Variants in MFN1 observed in about 807,000 individuals in gnomAD.
MFN1 encodes mitofusin 1.
In MFN1, 65 loss-of-function variants were observed where a neutral mutation model predicts 92.4. That is an observed-to-expected ratio of 0.70 (90% CI 0.58 to 0.86). The LOEUF (loss-of-function observed/expected upper bound fraction) is 0.86, where lower values mean the gene tolerates loss of function less well. MFN1 is among the 40% of genes least tolerant of loss of function. The probability of loss-of-function intolerance (pLI) is 0.00; values close to 1 mark genes in which losing one functional copy is unlikely to be tolerated. For synonymous variants in MFN1, 297 were observed against 300.9 expected, an observed-to-expected ratio of 0.99 and a Z score of 0.13; for missense variants, 781 against 868.0, an observed-to-expected ratio of 0.90 and a Z score of 1.26.
chr3:179,349,831 G>C (rs1296322403), intron 2 of MFN1, among the ~76,000 whole-genome samples: 1 of 150,740 alleles, frequency 6.6e-6, no homozygotes, highest in Non-Finnish European at 1.5e-5. Flanking sequence ...GGAGATAACT[G>C]TTGAAATTTT....
intron 1 of MFN1, 118 bp downstream of exon 1, chr3:179,347,928 G>C (rs1006857072): frequency 1.3e-5 from 2 of 152,240 alleles, no homozygotes; most frequent in South Asian, 4.1e-4. Context: ...CGCCCGCCGC[G>C]GTCCTGTGGG....
intron 9 of MFN1, among the ~76,000 whole-genome samples, chr3:179,373,510 A>G (rs1410254850): frequency 6.6e-6 from 1 of 152,192 alleles, no homozygotes; most frequent in Non-Finnish European, 1.5e-5. Flanking sequence ...GGAGTATCAG[A>G]GAATTAATAT....
At chr3:179,356,265 G>C (rs1014258619) in intron 3 of MFN1, among the ~76,000 whole-genome samples, 1 of 152,196 alleles carries the variant, frequency 6.6e-6, no homozygotes, top group African/African-American at 2.4e-5. Context: ...CAGGAAGGGT[G>C]GGGGAGGACA....
chr3:179,370,656 C>T (rs577203721), intron 9 of MFN1, among the ~76,000 whole-genome samples: 8 of 152,154 alleles, frequency 5.3e-5, no homozygotes, highest in East Asian at 1.9e-4. Flanking sequence ...ATGATCCACC[C>T]GCCTTGGCCT....
At chr3:179,365,501 G>A (rs565260133) in intron 7 of MFN1, among the ~76,000 whole-genome samples, 2 of 152,176 alleles carry the variant, frequency 1.3e-5, no homozygotes, top group African/African-American at 2.4e-5. Flanking sequence ...TACATAAATC[G>A]TAAGTGATCC....
chr3:179,349,647 T>G (rs1407099300), intron 2 of MFN1, among the ~76,000 whole-genome samples: 3 of 151,958 alleles, frequency 2.0e-5, no homozygotes, highest in Non-Finnish European at 4.4e-5. Flanking sequence ...TAAATGGGAC[T>G]ACAGTGCACG....
At position 179,364,355 on chromosome 3, in the gene MFN1, G is replaced by T; in HGVS notation, c.595G>T (p.Ala199Ser). 1 of 1,613,900 alleles carries T rather than the reference G, an allele frequency of 6.2e-7. No homozygotes were observed. The highest frequency in any genetic ancestry group is 1.1e-5 in the South Asian group (1 of 91,066). ...DSWIDKFCLD[A>S]DVFVLVANSE... is the part of the protein sequence containing the mutation. ...CTGGATTGATAAGTTTTGCCTAGAT[G>T]CTGATGTCTTTGTTTTGGTCGCAAA... Residue 199 changes from alanine to serine, a missense_variant, in exon 6 of 18, where the codon GCT (alanine) becomes TCT (serine). By Grantham distance (99) the Ala-to-Ser change is moderately conservative. Transcript: ENST00000471841.
intron 17 of MFN1, among the ~76,000 whole-genome samples, chr3:179,391,154 T>A (rs1245071802): frequency 6.6e-6 from 1 of 152,150 alleles, no homozygotes; most frequent in Non-Finnish European, 1.5e-5. Context: ...CTAGGTAAGT[T>A]TTTATGGTTT....
chr3:179,375,821 G>A (rs1713216824), intron 10 of MFN1, among the ~76,000 whole-genome samples: 2 of 152,094 alleles, frequency 1.3e-5, no homozygotes, highest in Non-Finnish European at 2.9e-5. Context: ...AAGTTGATTT[G>A]GTAAGCAGTA....
chr3:179,387,001 C>T (rs529077769), intron 16 of MFN1, among the ~76,000 whole-genome samples: 15 of 152,106 alleles, frequency 9.9e-5, no homozygotes, highest in African/African-American at 3.1e-4. Flanking sequence ...ACTGCAGCCT[C>T]GAATCTTGGG....
At chr3:179,378,865 A>T (rs1713359286) in intron 14 of MFN1, 51 bp downstream of exon 14, 1 of 1,396,432 alleles carries the variant, frequency 7.2e-7, no homozygotes, top group South Asian at 1.3e-5. Flanking sequence ...TATTTTGTTT[A>T]TGTGGTTTTT....
At chr3:179,384,770 A>AGCT in intron 14 of MFN1, among the ~76,000 whole-genome samples, 1 of 152,210 alleles carries the variant, frequency 6.6e-6, no homozygotes, top group Non-Finnish European at 1.5e-5. Context: ...CCTGGTCTCA[A>AGCT]GCTATCCTCC....
intron 14 of MFN1, among the ~76,000 whole-genome samples, chr3:179,384,412 A>G (rs1266984215): frequency 2.0e-5 from 3 of 152,130 alleles, no homozygotes; most frequent in Non-Finnish European, 4.4e-5. Context: ...GATTTTAAAC[A>G]TCTTTTTTGT....
chr3:179,384,224 T>C (rs1468661075), intron 14 of MFN1, among the ~76,000 whole-genome samples: 2 of 152,220 alleles, frequency 1.3e-5, no homozygotes, highest in African/African-American at 4.8e-5. Flanking sequence ...CATTCACCAG[T>C]TGATGGACAT....
At position 179,393,756 on chromosome 3, in the gene MFN1, C is replaced by A. The variant is rs765049498; in HGVS notation, c.*1697C>A. On this transcript the variant is annotated 3_prime_UTR_variant, in exon 18 of 18. Transcript: ENST00000471841. Reference sequence around the variant, plus strand: ...AGGTTACAAAACTCAAGGCTGTAACCTTTATATGAAAGTACTTAAGCTTGA... The same window carrying A: ...AGGTTACAAAACTCAAGGCTGTAACATTTATATGAAAGTACTTAAGCTTGA... 6.6e-6 allele frequency: 1 copy of A among 152,186 alleles called. No homozygotes were observed. The highest frequency in any genetic ancestry group is 1.5e-5 in the Non-Finnish European group (1 of 68,042). 9.4% of individuals were successfully genotyped at this position (152,186 alleles called of 1,614,324 possible). A position where few individuals can be genotyped will look rare whatever the true frequency, so the allele number is the denominator to read the frequency against.
At chr3:179,387,944 G>C (rs903545025) in intron 16 of MFN1, among the ~76,000 whole-genome samples, 4 of 152,036 alleles carry the variant, frequency 2.6e-5, no homozygotes, top group Non-Finnish European at 5.9e-5. Context: ...ATGTTGGCCA[G>C]GATGGTCTCA....
rs1712810244 is a variant in MFN1 at position 179,366,769 on chromosome 3, A to G, written c.754-670A>G. Among the ~76,000 whole-genome samples the G allele has an allele frequency of 3.9e-5, 6 of 152,192 alleles. No individual in the cohort carries two copies. In the South Asian group the frequency reaches 1.2e-3, roughly 31 times the overall value. ...ATTTAGATTTATTTTTGCAAGTCTT[A>G]ATATAGAGATCTCTCATCATAGCCA... On this transcript the variant is annotated intron_variant, in intron 7 of 17. Coordinates refer to ENST00000471841, the MANE Select transcript of MFN1 (RefSeq NM_033540.3).
chr3:179,357,219 G>T (rs903207491), intron 3 of MFN1, among the ~76,000 whole-genome samples: 1 of 152,168 alleles, frequency 6.6e-6, no homozygotes, highest in African/African-American at 2.4e-5. Flanking sequence ...GGTGCAAATG[G>T]TCAGTATCTG....
At chr3:179,360,310 G>A (rs890474195) in intron 4 of MFN1, among the ~76,000 whole-genome samples, 10 of 152,158 alleles carry the variant, frequency 6.6e-5, no homozygotes, top group Non-Finnish European at 1.5e-4. Flanking sequence ...CCAAAGTGTT[G>A]TGGTTACAGA....
Sources: allele counts gnomAD v4.1 joint callset (sites outside exome capture counted in the v4.1 genomes callset), GRCh38; gene constraint gnomAD v4.1.1; transcripts MANE v1.5; gene names NCBI Gene and HGNC (gene_info 2026-07-23, HGNC 2026-07-21).